PECAM1: variants seen among roughly 807,000 people sequenced by gnomAD.
PECAM1 encodes the protein platelet endothelial cell adhesion molecule.
A neutral mutation model predicts 13.8 loss-of-function variants in PECAM1; 8 were observed. The ratio of observed to expected loss-of-function variants is 0.58; its 90% confidence interval spans 0.34 to 1.05. The LOEUF is 1.05. Among genes scored for constraint, PECAM1 ranks in the 50% least tolerant of loss-of-function variants. PECAM1 has a pLI of 0.03. For synonymous variants in PECAM1, 136 were observed against 52.6 expected (o/e 2.58, Z -6.86); for missense variants, 304 against 141.2 (o/e 2.15, Z -5.84).
intron 13 of PECAM1, among the ~76,000 whole-genome samples, chr17:64,345,505 G>A (rs1448144567): frequency 6.6e-6 from 1 of 152,020 alleles, no homozygotes; most frequent in African/African-American, 2.4e-5. Context: ...CTGAGGTCAG[G>A]AGTTGGAGAC....
intron 8 of PECAM1, 32 bp from the exon 9 acceptor site, chr17:64,355,072 TG>T: frequency 2.1e-6 from 1 of 472,924 alleles, no homozygotes; most frequent in East Asian, 3.1e-5. Context: ...AAATTTTTTT[TG>T]TATATAGGCT....
intron 12 of PECAM1, among the ~76,000 whole-genome samples, chr17:64,349,105 C>G (rs1202136924): frequency 6.6e-6 from 1 of 152,168 alleles, no homozygotes; most frequent in Non-Finnish European, 1.5e-5. Flanking sequence ...AAATGGGGAA[C>G]AGGGGTCACT....
chr17:64,336,179 T>A (rs2143708417), intron 14 of PECAM1, among the ~76,000 whole-genome samples: 1 of 150,854 alleles, frequency 6.6e-6, no homozygotes, highest in African/African-American at 2.4e-5. Context: ...GGCAGAAGAA[T>A]CACTTGAACC....
At chr17:64,363,546 C>T (rs932633280) in intron 5 of PECAM1, 149 bp from the exon 6 acceptor site, 11 of 458,886 alleles carry the variant, frequency 2.4e-5, no homozygotes, top group African/African-American at 1.6e-4. Context: ...ATGTACCTAA[C>T]GATCACCCCA....
At chr17:64,338,018 C>T (rs1252969989) in intron 14 of PECAM1, among the ~76,000 whole-genome samples, 2 of 150,012 alleles carry the variant, frequency 1.3e-5, no homozygotes, top group African/African-American at 4.9e-5. Context: ...AGTCAGAAAA[C>T]CTAAGAGAGT....
At chr17:64,341,971 G>C (rs9892085) in intron 13 of PECAM1, among the ~76,000 whole-genome samples, 4,718 of 152,086 alleles carry the variant, frequency 0.031, 256 homozygotes, top group African/African-American at 0.11. Context: ...CCAACATGGC[G>C]AAACCCCGTC....
chr17:64,342,743 C>T (rs1598010213), intron 13 of PECAM1, among the ~76,000 whole-genome samples: 1 of 151,990 alleles, frequency 6.6e-6, no homozygotes, highest in African/African-American at 2.4e-5. Flanking sequence ...GACTCAAGGG[C>T]GCCCTTCCTG....
chr17:64,371,392 CTAGGGGCGGT>C (rs1389266032), intron 4 of PECAM1, among the ~76,000 whole-genome samples: 11 of 152,160 alleles, frequency 7.2e-5, no homozygotes. Flanking sequence ...AAAGGCTCAG[CTAGGGGCGGT>C]GGCTCACGCC....
At chr17:64,328,388 G>T (rs996050518) in intron 15 of PECAM1, among the ~76,000 whole-genome samples, 5 of 152,184 alleles carry the variant, frequency 3.3e-5, no homozygotes, top group Non-Finnish European at 7.3e-5. Flanking sequence ...AGGACTGGCC[G>T]CAGAGTATAG....
At chr17:64,344,967 A>G (rs2035526876) in intron 13 of PECAM1, among the ~76,000 whole-genome samples, 1 of 152,170 alleles carries the variant, frequency 6.6e-6, no homozygotes, top group African/African-American at 2.4e-5. Context: ...AGGAGGGCAC[A>G]TGCTGACCGC....
chr17:64,357,146 C>A (rs1158875522), intron 7 of PECAM1, among the ~76,000 whole-genome samples: 1 of 152,184 alleles, frequency 6.6e-6, no homozygotes, highest in African/African-American at 2.4e-5. Flanking sequence ...GATTCTCTTC[C>A]CTTCTTACCT....
At chr17:64,340,511 C>G (rs1342679609) in intron 14 of PECAM1, among the ~76,000 whole-genome samples, 1 of 152,218 alleles carries the variant, frequency 6.6e-6, no homozygotes, top group East Asian at 1.9e-4. Flanking sequence ...CTATTTCCCC[C>G]ACAATGTTTA....
chr17:64,357,504 C>G (rs2035872444), intron 7 of PECAM1, among the ~76,000 whole-genome samples: 1 of 152,154 alleles, frequency 6.6e-6, no homozygotes, highest in South Asian at 2.1e-4. Context: ...AGTAGACTTT[C>G]CTTCTAGTGT....
intron 2 of PECAM1, among the ~76,000 whole-genome samples, chr17:64,380,430 T>C (rs2036457636): frequency 6.6e-6 from 1 of 152,082 alleles, no homozygotes. Flanking sequence ...CAGGTGTTTT[T>C]CCCAAATCCC....
intron 14 of PECAM1, among the ~76,000 whole-genome samples, chr17:64,341,340 C>T (rs928637159): frequency 6.6e-6 from 1 of 152,188 alleles, no homozygotes; most frequent in East Asian, 1.9e-4. Context: ...AAACACTCGA[C>T]GTCCAAGACC....
chr17:64,336,813 G>A (rs1162916000), intron 14 of PECAM1, among the ~76,000 whole-genome samples: 1 of 151,894 alleles, frequency 6.6e-6, no homozygotes, highest in Admixed American at 6.6e-5. Context: ...CACTGTGATC[G>A]TGCCACTGCA....
At chr17:64,390,156 T>G in intron 2 of PECAM1, 1 of 314,166 alleles carries the variant, frequency 3.2e-6, no homozygotes, top group Non-Finnish European at 5.8e-6. Context: ...ACCTAATATA[T>G]TTTTAGACTA....
Position 64,319,432 on chromosome 17 carries a change from G to A in PECAM1, c.*4384C>T, listed in dbSNP as rs1007551392. ...AAGGCAAGTTTTAGAGCAGGAGTGA[G>A]AGTTTATTAAAAAGTTTTAGAGCAG... On this transcript the variant is annotated 3_prime_UTR_variant, in exon 16 of 16. Transcript: ENST00000563924. 6.6e-6 allele frequency: 1 copy of A among 152,158 alleles called. No individual in the cohort carries two copies. Among genetic ancestry groups the A allele is most frequent in the Admixed American group, 6.6e-5 (1 of 15,264 alleles). The allele number at this position is 152,158 out of a possible 1,614,324, so 9.4% of individuals were successfully genotyped here.
At chr17:64,338,027 G>C (rs1311627305) in intron 14 of PECAM1, among the ~76,000 whole-genome samples, 1 of 150,990 alleles carries the variant, frequency 6.6e-6, no homozygotes, top group East Asian at 2.0e-4. Flanking sequence ...ACCTAAGAGA[G>C]TAAAGGAAGA....
Sources: allele counts gnomAD v4.1 joint callset (sites outside exome capture counted in the v4.1 genomes callset), GRCh38; gene constraint gnomAD v4.1.1; transcripts MANE v1.5; gene names NCBI Gene and HGNC (gene_info 2026-07-23, HGNC 2026-07-21).